The following ADD2 variants were observed in gnomAD, a reference collection of about 807,000 sequenced individuals.
The protein encoded by ADD2 is beta-adducin.
ADD2 carries 23 observed loss-of-function variants against 83.0 expected under a neutral mutation model. The observed-to-expected ratio is 0.28, with a 90% CI of 0.20 to 0.39. The LOEUF is 0.39. Among genes scored for constraint, ADD2 ranks in the 10% least tolerant of loss-of-function variants. The probability of loss-of-function intolerance (pLI) is 1.00; values close to 1 mark genes in which losing one functional copy is unlikely to be tolerated. For synonymous variants in ADD2, 375 were observed against 375.4 expected, an observed-to-expected ratio of 1.00 and a Z score of 0.01; for missense variants, 758 against 944.9, an observed-to-expected ratio of 0.80 and a Z score of 2.59.
intron 1 of ADD2, among the ~76,000 whole-genome samples, chr2:70,735,582 C>T (rs1450766046): frequency 1.3e-5 from 2 of 151,912 alleles, no homozygotes; most frequent in African/African-American, 4.8e-5. Flanking sequence ...CCTGCTTTCC[C>T]TCCTCCCTCT....
chr2:70,759,653 C>T lies in ADD2; in HGVS notation c.-154+8233G>A, dbSNP rs550856109. On this transcript the variant is annotated intron_variant, in intron 1 of 15. Transcript: ENST00000264436. ...TCTCCTCCCCTCTCTCTTGCTTCCT[C>T]TCTTGCCATGTGATCTCTGCACACG... is the stretch of plus-strand genomic sequence containing the variant. Among the ~76,000 whole-genome samples, 5 of 152,282 alleles carry T rather than the reference C, an allele frequency of 3.3e-5. No individual in the cohort carries two copies. The South Asian group carries it at 1.0e-3, about 32-fold the overall frequency.
intron 4 of ADD2, among the ~76,000 whole-genome samples, chr2:70,700,459 T>C (rs1035422989): frequency 2.6e-5 from 4 of 151,912 alleles, no homozygotes; most frequent in Admixed American, 6.6e-5. Flanking sequence ...CATATACTCA[T>C]AGAAAAAAAT....
chr2:70,724,267 G>A (rs1417070218), intron 1 of ADD2, among the ~76,000 whole-genome samples: 2 of 152,206 alleles, frequency 1.3e-5, no homozygotes, highest in African/African-American at 2.4e-5. Context: ...GCTGTGGAGC[G>A]AGGGCCTTAG....
chr2:70,668,628 G>T (rs1669778208), intron 15 of ADD2, among the ~76,000 whole-genome samples: 1 of 152,200 alleles, frequency 6.6e-6, no homozygotes, highest in African/African-American at 2.4e-5. Context: ...GCCAAGTGAG[G>T]TCAGATGAAG....
intron 1 of ADD2, among the ~76,000 whole-genome samples, chr2:70,723,814 A>G (rs1672847640): frequency 6.6e-6 from 1 of 152,154 alleles, no homozygotes; most frequent in South Asian, 2.1e-4. Context: ...TTGGAACTCA[A>G]AGAATGGGGT....
chr2:70,720,293 A>G (rs1672672610), intron 1 of ADD2, among the ~76,000 whole-genome samples: 1 of 152,046 alleles, frequency 6.6e-6, no homozygotes, highest in Non-Finnish European at 1.5e-5. Flanking sequence ...GCCCAGAGAG[A>G]GGAGATGGTG....
chr2:70,665,810 G>GTTTTTTTTTT (rs879978891), intron 15 of ADD2, among the ~76,000 whole-genome samples: 1 of 135,786 alleles, frequency 7.4e-6, no homozygotes, highest in South Asian at 2.4e-4. Context: ...GATCACACTT[G>GTTTTTTTTTT]TTTTTTTGTT....
At chr2:70,671,399 G>A (rs1276840880) in intron 15 of ADD2, among the ~76,000 whole-genome samples, 2 of 152,124 alleles carry the variant, frequency 1.3e-5, no homozygotes, top group Non-Finnish European at 2.9e-5. Flanking sequence ...CATGCATAGT[G>A]CATGTGGAAT....
rs17006140 is a variant in ADD2, at chr2:70,704,391, G to C, written c.252C>G (p.Ile84Met). 6.2e-7 allele frequency: 1 copy of C among 1,613,864 alleles called. No homozygotes were observed. Among genetic ancestry groups the C allele is most frequent in the Non-Finnish European group, 8.5e-7 (1 of 1,179,934 alleles). ...QMKKGNNSSN[I>M]WALRQIADFM... ...AGTCCGCGATCTGTCGCAGGGCCCA[G>C]ATGTTGGAGGAGTTGTTCCCCTTCT... is the stretch of plus-strand genomic sequence containing the variant. The change falls in exon 4 of 16, where the codon ATC becomes ATG. Residue 84 changes from isoleucine (I) to methionine (M), a missense_variant. Coordinates refer to ENST00000264436, the MANE Select transcript of ADD2 (RefSeq NM_001617.4).
At chr2:70,704,284 C>CCACCCA in intron 4 of ADD2, 37 bp downstream of exon 4, 1 of 1,560,598 alleles carries the variant, frequency 6.4e-7, no homozygotes, top group Non-Finnish European at 8.7e-7. Flanking sequence ...CCCTCCCCTC[C>CCACCCA]ACCTCTGCTC....
chr2:70,675,000 T>G (rs1553367930), intron 13 of ADD2, 175 bp from the exon 14 acceptor site: 2 of 1,340,492 alleles, frequency 1.5e-6, no homozygotes, highest in Admixed American at 3.3e-5. Context: ...TCCTCCCCAT[T>G]GCTACCTTAC....
chr2:70,730,686 C>T (rs1673236147), intron 1 of ADD2, among the ~76,000 whole-genome samples: 1 of 152,236 alleles, frequency 6.6e-6, no homozygotes, highest in South Asian at 2.1e-4. Context: ...TGATCAGATA[C>T]AGTCACATGC....
In ADD2 at chr2:70,746,020, T is replaced by C. The variant is rs544865438; in HGVS notation, c.-154+21866A>G. ...AGGGAAAAGTTGTAAATAATAGATA[T>C]CCCTTTTTCAGAACTCAATAATGAG... On this transcript the variant is annotated intron_variant, in intron 1 of 15. Coordinates refer to ENST00000264436, the MANE Select transcript of ADD2 (RefSeq NM_001617.4). 6.6e-5 allele frequency among the ~76,000 whole-genome samples: 10 copies of C among 152,316 alleles called. No homozygotes were observed. In the South Asian group the frequency reaches 8.3e-4, roughly 13 times the overall value.
At chr2:70,739,987 G>A (rs782396256) in intron 1 of ADD2, among the ~76,000 whole-genome samples, 3 of 152,050 alleles carry the variant, frequency 2.0e-5, no homozygotes, top group Admixed American at 6.6e-5. Context: ...GTTTACCTAC[G>A]TCACAAACCT....
chr2:70,733,139 G>A (rs1455626203), intron 1 of ADD2, among the ~76,000 whole-genome samples: 5 of 152,150 alleles, frequency 3.3e-5, no homozygotes, highest in African/African-American at 9.7e-5. Context: ...CAGGGTCCAA[G>A]GGCCATTTCT....
Position 70,662,479 on chromosome 2 carries a change from C to T in ADD2, c.*946G>A, listed in dbSNP as rs35480486. ...GAGGGAAGGTCAGGGGAAACCTGAC[C>T]ACTGGACAGGAGTGAGGCAGGTACA... On this transcript the variant is annotated 3_prime_UTR_variant, in exon 16 of 16. Coordinates refer to ENST00000264436, the MANE Select transcript of ADD2 (RefSeq NM_001617.4). 28,610 of 152,086 alleles carry T rather than the reference C, an allele frequency of 0.19. 2,813 individuals carry two copies. Among genetic ancestry groups the T allele is most frequent in the South Asian group, 0.25 (1,228 of 4,816 alleles). The allele number at this position is 152,086 out of a possible 1,614,324, so 9.4% of individuals were successfully genotyped here. A position where few individuals can be genotyped will look rare whatever the true frequency, so the allele number is the denominator to read the frequency against.
intron 1 of ADD2, among the ~76,000 whole-genome samples, chr2:70,746,040 A>G (rs1422892126): frequency 6.6e-6 from 1 of 152,234 alleles, no homozygotes; most frequent in African/African-American, 2.4e-5. Flanking sequence ...AGAACTCAAT[A>G]ATGAGCTAGT....
intron 2 of ADD2, among the ~76,000 whole-genome samples, chr2:70,710,645 C>T (rs374922512): frequency 1.3e-5 from 2 of 152,180 alleles, no homozygotes; most frequent in South Asian, 2.1e-4. Flanking sequence ...AATGGCTTAG[C>T]GATTAAAAGC....
At chr2:70,757,291 G>C (rs563368162) in intron 1 of ADD2, among the ~76,000 whole-genome samples, 3,032 of 65,476 alleles carry the variant, frequency 0.046, 55 homozygotes, top group Middle Eastern at 0.096. Context: ...GGATTTGTGG[G>C]GGGGGGGGAT....
Sources: gnomAD v4.1 joint callset for allele counts (sites outside exome capture counted in the v4.1 genomes callset) on GRCh38, gnomAD v4.1.1 for gene constraint, MANE v1.5 for transcripts, NCBI Gene and HGNC (gene_info 2026-07-23, HGNC 2026-07-21) for gene names.